Variants in ADGRB2 observed in about 807,000 individuals in gnomAD.
ADGRB2 encodes adhesion G protein-coupled receptor B2, also known as brain-specific angiogenesis inhibitor 2.
Under a neutral mutation model 178.7 loss-of-function variants are expected in ADGRB2, and 47 were observed. The ratio of observed to expected loss-of-function variants is 0.26; its 90% CI spans 0.21 to 0.34. The LOEUF (loss-of-function observed/expected upper bound fraction) is 0.34. ADGRB2 is among the 10% of genes least tolerant of loss of function. The pLI is 1.00. For synonymous variants in ADGRB2, 870 were observed against 912.4 expected, an observed-to-expected ratio of 0.95 and a Z score of 0.84; for missense variants, 1,584 against 2,180.8, an observed-to-expected ratio of 0.73 and a Z score of 5.45.
rs1645123133 is a variant in ADGRB2 at position 31,728,712 on chromosome 1, T to C, written c.4381-79A>G. 1 of 1,567,394 alleles carries C rather than the reference T, an allele frequency of 6.4e-7. No individual in the cohort carries two copies. Among genetic ancestry groups the C allele is most frequent in the Non-Finnish European group, 8.8e-7 (1 of 1,139,726 alleles). On this transcript the variant is annotated intron_variant, in intron 29 of 32. Transcript: ENST00000373658. This position sits in a 1 kb window ranked among gnomAD's most constrained non-coding sequence, Gnocchi z 6.7. ...GCAGGGGCTTTAGAGACAGGAAGCC[T>C]GGCATCCCAGGGGTCTGCCCGCTGC...
intron 1 of ADGRB2, among the ~76,000 whole-genome samples, chr1:31,762,410 T>A (rs1647066004): frequency 6.6e-6 from 1 of 152,106 alleles, no homozygotes; most frequent in South Asian, 2.1e-4. Flanking sequence ...ACCGACTCCA[T>A]GCGCAAGCCA....
intron 1 of ADGRB2, 24 bp downstream of exon 1, chr1:31,763,860 C>T: frequency 1.0e-6 from 1 of 984,980 alleles, no homozygotes; most frequent in Non-Finnish European, 1.2e-6. Flanking sequence ...GAGGCCAGGT[C>T]GGGGTCTGGG....
At chr1:31,763,606 C>T (rs1459863637) in intron 1 of ADGRB2, among the ~76,000 whole-genome samples, 1 of 126,870 alleles carries the variant, frequency 7.9e-6, no homozygotes, top group Non-Finnish European at 1.6e-5. Context: ...GAGGGGGAGA[C>T]TTTAGCATAG....
In ADGRB2 at chr1:31,733,247, G is replaced by T; in HGVS notation, c.3453-104C>A. 1 of 1,323,698 alleles carries T rather than the reference G, an allele frequency of 7.6e-7. No homozygotes were observed. The highest frequency in any genetic ancestry group is 1.0e-6 in the Non-Finnish European group (1 of 974,186). 82.0% of individuals were successfully genotyped at this position (1,323,698 alleles called of 1,614,324 possible). A position where few individuals can be genotyped will look rare whatever the true frequency, so the allele number is the denominator to read the frequency against. ...GGAGCTCTTCAGCTGCCCAAGACTG[G>T]GAGGGCCCCAAACCCCAGGGCCTCA... On this transcript the variant is annotated intron_variant, in intron 25 of 32. Transcript: ENST00000373658. This position sits in a 1 kb window ranked among gnomAD's most constrained non-coding sequence, Gnocchi z 4.3.
chr1:31,747,164 T>C (rs1361812452), intron 4 of ADGRB2, among the ~76,000 whole-genome samples: 1 of 152,090 alleles, frequency 6.6e-6, no homozygotes, highest in East Asian at 1.9e-4. Context: ...CGTCCTCCCT[T>C]GAAGCACTCT....
At position 31,756,153 on chromosome 1, in the gene ADGRB2, CT is replaced by C; in HGVS notation, c.683del (p.Glu228GlyfsTer50). ...TGGTGGTGGTGGAGCCGGCCCCCGC[CT>C]CTCCAGGGCAGCTGCAGCCTGGCTG... Reference protein sequence around the residue: ...FAQPGCSCPGEAGAGSTTTTS... With the variant: ...FAQPGCSCPGXAGAGSTTTTS... On this transcript the variant is annotated frameshift_variant, in exon 4 of 33. Transcript: ENST00000373658. LOFTEE classifies it high-confidence loss of function. This position sits in a 1 kb window ranked among gnomAD's most constrained non-coding sequence, Gnocchi z 8.5. The C allele has an allele frequency of 6.2e-7, 1 of 1,613,470 alleles. No individual in the cohort carries two copies. Among genetic ancestry groups the C allele is most frequent in the Non-Finnish European group, 8.5e-7 (1 of 1,179,876 alleles).
rs763248529 is a variant in ADGRB2, at chr1:31,731,181, C to A, written c.3999G>T (p.Arg1333=). ...PVYMCGEGGL[R]QLDLTWLRPT... is the part of the protein sequence containing the mutation. Reference sequence around the variant, plus strand: ...GCCGCAGCCATGTGAGGTCCAGCTGCCGCAGGCCACCCTCCCCACACATGT... The same window carrying A: ...GCCGCAGCCATGTGAGGTCCAGCTGACGCAGGCCACCCTCCCCACACATGT... The change falls in exon 29 of 33, where the codon CGG becomes CGT. Residue 1333 remains arginine, a synonymous_variant. Coordinates refer to ENST00000373658, the MANE Select transcript of ADGRB2 (RefSeq NM_001364857.2). 2 of 1,598,632 alleles carry A rather than the reference C, an allele frequency of 1.3e-6. No homozygotes were observed. Among genetic ancestry groups the A allele is most frequent in the Non-Finnish European group, 1.7e-6 (2 of 1,173,306 alleles).
chr1:31,735,435 G>T lies in ADGRB2; in HGVS notation c.3353+145C>A. The T allele has an allele frequency of 7.9e-7, 1 of 1,258,296 alleles. No homozygotes were observed. The highest frequency in any genetic ancestry group is 1.1e-6 in the Non-Finnish European group (1 of 884,870). 77.9% of individuals were successfully genotyped at this position (1,258,296 alleles called of 1,614,324 possible). A position where few individuals can be genotyped will look rare whatever the true frequency, so the allele number is the denominator to read the frequency against. On this transcript the variant is annotated intron_variant, in intron 24 of 32. Transcript: ENST00000373658. The surrounding 1 kb of genome is among the most constrained non-coding windows in gnomAD (Gnocchi z 6.0). ...TGAGGGGCTGCGGCTGAGCACTCCG[G>T]GTGCCCACCTTGCCTGCAACCTTGA... is the stretch of plus-strand genomic sequence containing the variant.
At chr1:31,757,091 G>T in intron 3 of ADGRB2, 110 bp downstream of exon 3, 1 of 1,568,150 alleles carries the variant, frequency 6.4e-7, no homozygotes. Context: ...CTGGAATCTT[G>T]TGAGCCCTGA....
In ADGRB2 at chr1:31,742,129, G is replaced by A. The variant is rs530331422; in HGVS notation, c.1341C>T (p.Ser447=). 18 of 1,613,560 alleles carry A rather than the reference G, an allele frequency of 1.1e-5. No individual in the cohort carries two copies. The highest frequency in any genetic ancestry group is 8.9e-5 in the East Asian group (4 of 44,886). ...ATGTGGCCCAGGCTGGGCCCGCCACGCTGCACTTCCGGCTGCGCTGTTGGG... is the reference window on the plus strand; with the variant it reads ...ATGTGGCCCAGGCTGGGCCCGCCACACTGCACTTCCGGCTGCGCTGTTGGG... ...NGTQQRSRKC[S]VAGPAWATCT... Residue 447 remains serine, a synonymous_variant, in exon 8 of 33, where the codon AGC becomes AGT. Transcript: ENST00000373658.
At chr1:31,751,170 C>T (rs961659983) in intron 4 of ADGRB2, among the ~76,000 whole-genome samples, 1 of 152,232 alleles carries the variant, frequency 6.6e-6, no homozygotes, top group Non-Finnish European at 1.5e-5. Context: ...CTCCTACCCC[C>T]GGCGTGGTTC....
chr1:31,728,291 C>T lies in ADGRB2; in HGVS notation c.4417-11G>A, dbSNP rs758599331. ...GGTGTGCATCACCTTCTAGGGGCCA[C>T]AGGGCATCAGAGGGTCGCTCCCCGG... On this transcript the variant is annotated splice_polypyrimidine_tract_variant and intron_variant, in intron 30 of 32. Transcript: ENST00000373658. The surrounding 1 kb of genome is among the most constrained non-coding windows in gnomAD (Gnocchi z 6.7). 1.4e-5 allele frequency: 23 copies of T among 1,612,990 alleles called. 1 individual carries two copies. Among genetic ancestry groups the T allele is most frequent in the South Asian group, 5.5e-5 (5 of 91,048 alleles).
intron 6 of ADGRB2, 91 bp from the exon 7 acceptor site, chr1:31,743,093 G>A (rs1245941116): frequency 1.7e-5 from 22 of 1,304,956 alleles, no homozygotes; most frequent in Middle Eastern, 2.8e-4. Flanking sequence ...CAGGAGCTCC[G>A]CAGCTCTGCG....
chr1:31,755,100 A>C lies in ADGRB2; in HGVS notation c.838+899T>G, dbSNP rs1646766163. Among the ~76,000 whole-genome samples, 1 of 152,226 alleles carries C rather than the reference A, an allele frequency of 6.6e-6. No individual in the cohort carries two copies. Among genetic ancestry groups the C allele is most frequent in the Admixed American group, 6.5e-5 (1 of 15,288 alleles). On this transcript the variant is annotated intron_variant, in intron 4 of 32. Transcript: ENST00000373658. The surrounding 1 kb of genome is among the most constrained non-coding windows in gnomAD (Gnocchi z 5.1). Reference sequence around the variant, plus strand: ...CCTGTCGGTACCAGAGCTGCAGACCAGACCCCAGACCTGCCTCCTTCCCAT... The same window carrying C: ...CCTGTCGGTACCAGAGCTGCAGACCCGACCCCAGACCTGCCTCCTTCCCAT...
At position 31,728,452 on chromosome 1, in the gene ADGRB2, T is replaced by A; in HGVS notation, c.4416+146A>T. 3 of 1,387,448 alleles carry A rather than the reference T, an allele frequency of 2.2e-6. No individual in the cohort carries two copies. Among genetic ancestry groups the A allele is most frequent in the Non-Finnish European group, 3.1e-6 (3 of 980,302 alleles). The allele number at this position is 1,387,448 out of a possible 1,614,324, so 85.9% of individuals were successfully genotyped here. On this transcript the variant is annotated intron_variant, in intron 30 of 32. Transcript: ENST00000373658. The surrounding 1 kb of genome is among the most constrained non-coding windows in gnomAD (Gnocchi z 6.7). Reference sequence around the variant, plus strand: ...GCTATGGGCTTGGGCAGGGAGGGAATCATGGGAAGATCCCACGGAACCCCC... The same window carrying A: ...GCTATGGGCTTGGGCAGGGAGGGAAACATGGGAAGATCCCACGGAACCCCC...
rs74914569 is a variant in ADGRB2, at chr1:31,747,535, T to C, written c.839-2804A>G. ...CCCACCTCAAATGACCTCTCATCTA[T>C]GGAAACTTCCATATTGTCAACTCCC... On this transcript the variant is annotated intron_variant, in intron 4 of 32. Transcript: ENST00000373658. 2.4e-3 allele frequency among the ~76,000 whole-genome samples: 372 copies of C among 152,242 alleles called. 4 individuals carry two copies. Among genetic ancestry groups the C allele is most frequent in the African/African-American group, 7.8e-3 (322 of 41,534 alleles).
rs557257890 is a variant in ADGRB2, at chr1:31,733,304, G to C, written c.3453-161C>G. Among the ~76,000 whole-genome samples, 1 of 152,304 alleles carries C rather than the reference G, an allele frequency of 6.6e-6. No individual in the cohort carries two copies. Among genetic ancestry groups the C allele is most frequent in the South Asian group, 2.1e-4 (1 of 4,828 alleles). Reference sequence around the variant, plus strand: ...TCCCCAAGCAGAGAGGGGCTGAGGAGCCAGAGCCAGAGAAACAGAACAGAG... The same window carrying C: ...TCCCCAAGCAGAGAGGGGCTGAGGACCCAGAGCCAGAGAAACAGAACAGAG... On this transcript the variant is annotated intron_variant, in intron 25 of 32. Coordinates refer to ENST00000373658, the MANE Select transcript of ADGRB2 (RefSeq NM_001364857.2). The surrounding 1 kb of genome is among the most constrained non-coding windows in gnomAD (Gnocchi z 4.3).
chr1:31,748,941 G>A (rs182958693), intron 4 of ADGRB2, among the ~76,000 whole-genome samples: 41 of 152,306 alleles, frequency 2.7e-4, no homozygotes, highest in Non-Finnish European at 5.4e-4. Context: ...CTAGAGAGAG[G>A]CTGAGGTGGG....
Position 31,727,516 on chromosome 1 carries a change from C to A in ADGRB2, c.4662G>T (p.Ser1554=). 9.4e-6 allele frequency: 15 copies of A among 1,596,492 alleles called. No individual in the cohort carries two copies. Among genetic ancestry groups the A allele is most frequent in the Non-Finnish European group, 1.3e-5 (15 of 1,175,158 alleles). The part of the protein sequence containing the change: ...WSTFKSMTLG[S]LPPKPRERLT... ...GCCGTTCTCGGGGCTTGGGGGGCAG[C>A]GAGCCCAGTGTCATAGATTTGAAGG... Residue 1554 remains serine (S), a synonymous_variant, in exon 33 of 33, where the codon TCG becomes TCT. Coordinates refer to ENST00000373658, the MANE Select transcript of ADGRB2 (RefSeq NM_001364857.2). This position sits in a 1 kb window ranked among gnomAD's most constrained non-coding sequence, Gnocchi z 4.4.
Sources: gnomAD v4.1 joint callset for allele counts (sites outside exome capture counted in the v4.1 genomes callset) on GRCh38, gnomAD v4.1.1 for gene constraint, Gnocchi (gnomAD v3.1) non-coding constraint, MANE v1.5 for transcripts, NCBI Gene and HGNC (gene_info 2026-07-23, HGNC 2026-07-21) for gene names.